Variants in SVEP1 observed in about 807,000 individuals in gnomAD.
The protein encoded by SVEP1 is sushi, von Willebrand factor type A, EGF and pentraxin domain-containing protein 1.
Under a neutral mutation model 367.3 loss-of-function variants are expected in SVEP1, and 164 were observed. That is an observed-to-expected ratio of 0.45 (90% CI 0.39 to 0.51). SVEP1 has a LOEUF of 0.51. SVEP1 is among the 20% of genes least tolerant of loss of function. The pLI, the probability that SVEP1 is intolerant of heterozygous loss-of-function variation, is 0.00. For missense variants in SVEP1, 4,117 were observed against 4,425.3 expected (o/e 0.93, Z 1.98); for synonymous variants, 1,666 against 1,611.6 (o/e 1.03, Z -0.81).
intron 1 of SVEP1, among the ~76,000 whole-genome samples, chr9:110,559,872 AATG>A (rs1362399686): frequency 2.0e-5 from 3 of 152,194 alleles, no homozygotes. Context: ...ATATTATTAC[AATG>A]ATATTATTGA....
At chr9:110,481,641 C>G (rs528638079) in intron 11 of SVEP1, among the ~76,000 whole-genome samples, 35 of 152,180 alleles carry the variant, frequency 2.3e-4, no homozygotes, top group African/African-American at 8.4e-4. Flanking sequence ...GCTGTACCTA[C>G]GTGTAATTAG....
At chr9:110,441,110 C>T (rs140540824) in intron 27 of SVEP1, among the ~76,000 whole-genome samples, 104 of 152,174 alleles carry the variant, frequency 6.8e-4, no homozygotes, top group African/African-American at 2.3e-3. Context: ...AATGGTATTA[C>T]AAGGAAGTTT....
intron 5 of SVEP1, among the ~76,000 whole-genome samples, chr9:110,508,388 C>T (rs556396754): frequency 2.9e-4 from 44 of 152,180 alleles, no homozygotes; most frequent in African/African-American, 1.0e-3. Flanking sequence ...GTAAGGTTCT[C>T]ATTGGTTGAA....
intron 14 of SVEP1, among the ~76,000 whole-genome samples, chr9:110,472,878 A>G (rs551453124): frequency 6.6e-6 from 1 of 152,294 alleles, no homozygotes; most frequent in East Asian, 1.9e-4. Context: ...GGTACATGGA[A>G]TTCTCTAGAT....
intron 13 of SVEP1, among the ~76,000 whole-genome samples, chr9:110,477,988 C>T (rs1324188051): frequency 6.6e-6 from 1 of 152,176 alleles, no homozygotes; most frequent in Non-Finnish European, 1.5e-5. Context: ...GATTTCTCTT[C>T]TTACCCCCAT....
At chr9:110,392,331 A>G (rs2182748) in intron 40 of SVEP1, among the ~76,000 whole-genome samples, 29,417 of 151,916 alleles carry the variant, frequency 0.19, 3,003 homozygotes, top group Middle Eastern at 0.32. Context: ...TCCCACAGAT[A>G]GAATTTTGCC....
chr9:110,444,714 TC>T (rs1828563427), intron 26 of SVEP1, among the ~76,000 whole-genome samples: 1 of 152,202 alleles, frequency 6.6e-6, no homozygotes, highest in Non-Finnish European at 1.5e-5. Context: ...TGACCACTTC[TC>T]CCAGCATCTT....
intron 27 of SVEP1, among the ~76,000 whole-genome samples, chr9:110,441,351 C>T (rs371984524): frequency 2.0e-5 from 3 of 152,182 alleles, no homozygotes; most frequent in African/African-American, 4.8e-5. Flanking sequence ...CTCTTTCCTT[C>T]CCCTCCAAAT....
chr9:110,380,866 A>G (rs1180254996), intron 43 of SVEP1, among the ~76,000 whole-genome samples: 1 of 152,112 alleles, frequency 6.6e-6, no homozygotes, highest in Non-Finnish European at 1.5e-5. Context: ...TCAATTTCAG[A>G]ACTAGTTATT....
At chr9:110,380,276 T>C (rs1489235027) in intron 43 of SVEP1, among the ~76,000 whole-genome samples, 1 of 152,146 alleles carries the variant, frequency 6.6e-6, no homozygotes, top group East Asian at 1.9e-4. Flanking sequence ...AGGGTTAGAT[T>C]GGTGTCAGGA....
chr9:110,562,177 AC>A (rs750418701), intron 1 of SVEP1, among the ~76,000 whole-genome samples: 24 of 152,236 alleles, frequency 1.6e-4, no homozygotes, highest in Non-Finnish European at 1.0e-4. Context: ...TCTAATAATG[AC>A]AAATTCCACC....
At chr9:110,526,210 G>A (rs1276949172) in intron 3 of SVEP1, among the ~76,000 whole-genome samples, 2 of 151,958 alleles carry the variant, frequency 1.3e-5, no homozygotes, top group African/African-American at 4.8e-5. Context: ...TTTTTGCACT[G>A]TAAAAGCCTC....
chr9:110,483,618 C>T lies in SVEP1; in HGVS notation c.2006G>A (p.Ser669Asn). 3 of 1,612,632 alleles carry T rather than the reference C, an allele frequency of 1.9e-6. No individual in the cohort carries two copies. The highest frequency in any genetic ancestry group is 2.2e-5 in the East Asian group (1 of 44,788). ...VQVSEKVHAASWDEPQFSDNS... is the reference protein window; with the variant it reads ...VQVSEKVHAANWDEPQFSDNS... ...GTCTGAGAACTGAGGCTCATCCCAG[C>T]TTGCGGCATGTACCTTCTCCGAGAC... Residue 669 changes from serine (S) to asparagine (N), a missense_variant, in exon 10 of 48, where the codon AGC (serine) becomes AAC (asparagine). Ser to Asn is a conservative substitution (Grantham distance 46). Transcript: ENST00000374469.
rs139850528 is a variant in SVEP1, at chr9:110,390,530, A to G, written c.9823-943T>C. ...CAATCAGAAATAATATTAAGCATACAATCTAAAAATGCAAACCCCCAGAAA... is the reference window on the plus strand; with the variant it reads ...CAATCAGAAATAATATTAAGCATACGATCTAAAAATGCAAACCCCCAGAAA... On this transcript the variant is annotated intron_variant, in intron 40 of 47. Transcript: ENST00000374469. Among the ~76,000 whole-genome samples, 233 of 151,394 alleles carry G rather than the reference A, an allele frequency of 1.5e-3. 1 individual carries two copies. The highest frequency in any genetic ancestry group is 0.014 in the Middle Eastern group (4 of 290).
intron 1 of SVEP1, among the ~76,000 whole-genome samples, chr9:110,574,745 T>C (rs1413797294): frequency 2.5e-5 from 2 of 79,788 alleles, no homozygotes; most frequent in Non-Finnish European, 5.5e-5. Flanking sequence ...TCGACCTTCT[T>C]TTTTTTTTTT....
At chr9:110,508,490 G>A (rs370282496) in intron 5 of SVEP1, among the ~76,000 whole-genome samples, 3 of 152,140 alleles carry the variant, frequency 2.0e-5, no homozygotes, top group South Asian at 2.1e-4. Flanking sequence ...GGCCGGGTGC[G>A]GTGGCTCACG....
intron 3 of SVEP1, among the ~76,000 whole-genome samples, chr9:110,541,796 TATATATATCTATATAC>T (rs1249629252): frequency 9.0e-5 from 13 of 144,374 alleles, no homozygotes; most frequent in Non-Finnish European, 1.8e-4. Context: ...CATAGATATC[TATATATATCTATATAC>T]ATAGATATCT....
intron 3 of SVEP1, among the ~76,000 whole-genome samples, chr9:110,524,686 C>G (rs1048641545): frequency 6.8e-6 from 1 of 146,338 alleles, no homozygotes; most frequent in East Asian, 2.2e-4. Context: ...AGAGAAACCT[C>G]AAAATCATAC....
At chr9:110,477,359 G>GTT (rs1829111029) in intron 13 of SVEP1, among the ~76,000 whole-genome samples, 1 of 152,004 alleles carries the variant, frequency 6.6e-6, no homozygotes, top group African/African-American at 2.4e-5. Flanking sequence ...TCCTCAATTT[G>GTT]TTTGCCTGGA....
Sources: gnomAD v4.1 joint callset for allele counts (sites outside exome capture counted in the v4.1 genomes callset) on GRCh38, gnomAD v4.1.1 for gene constraint, MANE v1.5 for transcripts, NCBI Gene and HGNC (gene_info 2026-07-23, HGNC 2026-07-21) for gene names.